Variants in TNNI3K observed in about 807,000 individuals in gnomAD.
TNNI3K encodes TNNI3 interacting kinase.
A neutral mutation model predicts 114.5 loss-of-function variants in TNNI3K; 140 were observed. That is an observed-to-expected ratio of 1.22 (90% CI 1.07 to 1.41). TNNI3K has a LOEUF of 1.41. Ranked by LOEUF, TNNI3K falls within the 40% of genes most tolerant of loss-of-function variation. The probability of loss-of-function intolerance (pLI) is 0.00; values close to 1 mark genes in which losing one functional copy is unlikely to be tolerated. For missense variants in TNNI3K, 1,125 were observed against 1,007.6 expected (o/e 1.12, Z -1.58); for synonymous variants, 347 against 347.5 (o/e 1.00, Z 0.02).
intron 23 of TNNI3K, among the ~76,000 whole-genome samples, chr1:74,510,226 G>C (rs1402628403): frequency 6.6e-6 from 1 of 152,116 alleles, no homozygotes; most frequent in African/African-American, 2.4e-5. Context: ...AAGATCTGAG[G>C]CCAGGTGCAG....
chr1:74,326,444 C>A (rs2100398103), intron 5 of TNNI3K, among the ~76,000 whole-genome samples: 1 of 152,074 alleles, frequency 6.6e-6, no homozygotes, highest in South Asian at 2.1e-4. Context: ...ACAGTGAGGC[C>A]CTTTGTTATT....
chr1:74,418,529 A>G (rs1373580998), intron 17 of TNNI3K, among the ~76,000 whole-genome samples: 3 of 152,102 alleles, frequency 2.0e-5, no homozygotes, highest in Non-Finnish European at 2.9e-5. Flanking sequence ...TTATAGTCCA[A>G]TGTGAATTGT....
intron 7 of TNNI3K, among the ~76,000 whole-genome samples, chr1:74,339,709 G>T (rs1449999607): frequency 6.6e-6 from 1 of 151,856 alleles, no homozygotes; most frequent in Non-Finnish European, 1.5e-5. Flanking sequence ...TTAAGTCTCT[G>T]TTTTGCTTCT....
chr1:74,434,912 A>T (rs1244739798), intron 17 of TNNI3K, among the ~76,000 whole-genome samples: 1 of 152,092 alleles, frequency 6.6e-6, no homozygotes, highest in African/African-American at 2.4e-5. Context: ...GCAATTATAT[A>T]AAGTGATTCA....
chr1:74,258,555 C>A (rs1655470154), intron 4 of TNNI3K, among the ~76,000 whole-genome samples: 1 of 152,144 alleles, frequency 6.6e-6, no homozygotes, highest in Admixed American at 6.5e-5. Flanking sequence ...TAGAGAAAGT[C>A]TATATAAGTT....
At chr1:74,297,522 C>CGT (rs10633137) in intron 5 of TNNI3K, among the ~76,000 whole-genome samples, 11,714 of 145,318 alleles carry the variant, frequency 0.081, 654 homozygotes, top group Admixed American at 0.14. Flanking sequence ...TGTGTGTGTG[C>CGT]GTGTGTGTGT....
chr1:74,364,195 G>T (rs1306148471), intron 11 of TNNI3K, among the ~76,000 whole-genome samples: 1 of 151,468 alleles, frequency 6.6e-6, no homozygotes, highest in Non-Finnish European at 1.5e-5. Flanking sequence ...TTAGAAATAG[G>T]GGTCATGCTA....
At chr1:74,358,164 A>C (rs1479247344) in intron 11 of TNNI3K, among the ~76,000 whole-genome samples, 1 of 152,116 alleles carries the variant, frequency 6.6e-6, no homozygotes, top group East Asian at 1.9e-4. Context: ...CCTAAACTAG[A>C]AACAGAACTA....
At chr1:74,448,489 C>T (rs1254310696) in intron 20 of TNNI3K, among the ~76,000 whole-genome samples, 17 of 145,682 alleles carry the variant, frequency 1.2e-4, no homozygotes, top group Admixed American at 8.8e-4. Flanking sequence ...GCCAGAACTT[C>T]CAACACTATG....
chr1:74,496,645 G>T (rs910961623), intron 23 of TNNI3K, among the ~76,000 whole-genome samples: 3 of 152,012 alleles, frequency 2.0e-5, no homozygotes, highest in Admixed American at 1.3e-4. Context: ...ATTTAGAGGT[G>T]CAAAATTGTG....
At chr1:74,343,279 G>A in intron 9 of TNNI3K, 100 bp downstream of exon 9, 2 of 1,284,676 alleles carry the variant, frequency 1.6e-6, no homozygotes, top group South Asian at 2.7e-5. Context: ...GGCAGATGTT[G>A]CAATCAGAGA....
chr1:74,401,104 G>T (rs1210164064), intron 17 of TNNI3K, among the ~76,000 whole-genome samples: 1 of 152,156 alleles, frequency 6.6e-6, no homozygotes, highest in Admixed American at 6.6e-5. Context: ...TAGTTGTTCT[G>T]TACTGGCAAA....
intron 5 of TNNI3K, among the ~76,000 whole-genome samples, chr1:74,325,903 C>A (rs1169384506): frequency 1.3e-5 from 2 of 152,110 alleles, no homozygotes; most frequent in East Asian, 3.9e-4. Context: ...TTTGGAAAAA[C>A]AATTTTTCCT....
intron 2 of TNNI3K, among the ~76,000 whole-genome samples, chr1:74,243,147 G>A (rs1654350625): frequency 6.6e-6 from 1 of 152,036 alleles, no homozygotes; most frequent in South Asian, 2.1e-4. Flanking sequence ...CAATAATTAT[G>A]CCAATTTTAT....
chr1:74,244,387 A>G (rs1019668350), intron 2 of TNNI3K, among the ~76,000 whole-genome samples: 2 of 152,148 alleles, frequency 1.3e-5, no homozygotes, highest in South Asian at 4.1e-4. Context: ...TCACTTATAG[A>G]TGGTAAAGTC....
chr1:74,309,429 A>T (rs1226123144), intron 5 of TNNI3K, among the ~76,000 whole-genome samples: 1 of 151,282 alleles, frequency 6.6e-6, no homozygotes, highest in Non-Finnish European at 1.5e-5. Flanking sequence ...AAAATCAAGG[A>T]GGAGTAATTC....
At chr1:74,265,599 T>C (rs75118180) in intron 4 of TNNI3K, among the ~76,000 whole-genome samples, 127 of 151,996 alleles carry the variant, frequency 8.4e-4, no homozygotes, top group African/African-American at 3.0e-3. Context: ...TTCTATAATA[T>C]ATGAAAAAAG....
intron 5 of TNNI3K, among the ~76,000 whole-genome samples, chr1:74,280,304 C>A (rs1314924225): frequency 1.3e-5 from 2 of 151,976 alleles, no homozygotes; most frequent in Non-Finnish European, 2.9e-5. Context: ...ATGGTGCGAA[C>A]CTGGGAGGCG....
chr1:74,533,544 C>A (rs1197048248), intron 23 of TNNI3K, among the ~76,000 whole-genome samples: 44 of 152,228 alleles, frequency 2.9e-4, no homozygotes, highest in African/African-American at 1.0e-3. Context: ...CCATTTGACC[C>A]AGCCATCCTA....
Sources: allele counts gnomAD v4.1 joint callset (sites outside exome capture counted in the v4.1 genomes callset), GRCh38; gene constraint gnomAD v4.1.1; transcripts MANE v1.5; gene names NCBI Gene and HGNC (gene_info 2026-07-23, HGNC 2026-07-21).